CACNA2D3: variants seen among roughly 807,000 people sequenced by gnomAD.
The protein encoded by CACNA2D3 is calcium voltage-gated channel auxiliary subunit alpha2delta 3, also known as voltage-dependent calcium channel subunit alpha-2/delta-3.
CACNA2D3 carries 60 observed loss-of-function variants against 160.6 expected under a neutral mutation model. The observed-to-expected ratio is 0.37, with a 90% confidence interval of 0.30 to 0.46. CACNA2D3 has a LOEUF of 0.46. CACNA2D3 is among the 20% of genes least tolerant of loss of function. The pLI, the probability that CACNA2D3 is intolerant of heterozygous loss-of-function variation, is 1.00. For missense variants in CACNA2D3, 1,205 were observed against 1,365.0 expected (o/e 0.88, Z 1.85); for synonymous variants, 558 against 492.9 (o/e 1.13, Z -1.75).
rs147590834 is a variant in CACNA2D3 at position 54,849,753 on chromosome 3, G to T, written c.1626+3286G>T. On this transcript the variant is annotated intron_variant, in intron 17 of 37. Coordinates refer to ENST00000474759, the MANE Select transcript of CACNA2D3 (RefSeq NM_018398.3). ...CCAGATTAGCACGGTGAGTGTGAGT[G>T]TGGGGTTGTGGCCAGCATGGGGAGG... 2.0e-5 allele frequency among the ~76,000 whole-genome samples: 3 copies of T among 152,316 alleles called. No homozygotes were observed. In the East Asian group the frequency reaches 5.8e-4, roughly 29 times the overall value.
chr3:54,975,322 C>T (rs1311471597), intron 29 of CACNA2D3, among the ~76,000 whole-genome samples: 2 of 152,238 alleles, frequency 1.3e-5, no homozygotes, highest in South Asian at 2.1e-4. Context: ...AGTTTGAGAG[C>T]AGCCTGGCCA....
chr3:54,529,521 C>T (rs1701774983), intron 5 of CACNA2D3, among the ~76,000 whole-genome samples: 1 of 152,172 alleles, frequency 6.6e-6, no homozygotes. Context: ...CTGGAAGATT[C>T]ATTCCACCTG....
chr3:54,559,558 G>T (rs1169035138), intron 5 of CACNA2D3, among the ~76,000 whole-genome samples: 1 of 152,132 alleles, frequency 6.6e-6, no homozygotes, highest in Non-Finnish European at 1.5e-5. Context: ...CTCCCAAAGT[G>T]CTGGGATTAC....
chr3:54,309,363 G>C (rs538190430), intron 2 of CACNA2D3, among the ~76,000 whole-genome samples: 1 of 152,304 alleles, frequency 6.6e-6, no homozygotes, highest in African/African-American at 2.4e-5. Context: ...ATACCATAGA[G>C]CTACAATTTA....
intron 4 of CACNA2D3, among the ~76,000 whole-genome samples, chr3:54,488,478 G>C (rs1701052938): frequency 6.6e-6 from 1 of 152,062 alleles, no homozygotes; most frequent in Non-Finnish European, 1.5e-5. Context: ...AGACTGAACA[G>C]TGGCCCGACT....
chr3:54,603,617 A>G (rs768441067), intron 9 of CACNA2D3, among the ~76,000 whole-genome samples: 5 of 152,244 alleles, frequency 3.3e-5, no homozygotes, highest in Non-Finnish European at 5.9e-5. Flanking sequence ...CTTCAAGGCT[A>G]AGATTTCAAA....
At chr3:54,887,227 A>G in intron 23 of CACNA2D3, among the ~76,000 whole-genome samples, 1 of 151,996 alleles carries the variant, frequency 6.6e-6, no homozygotes, top group East Asian at 1.9e-4. Flanking sequence ...GGAGTTTGAG[A>G]CTAACCTGGC....
chr3:54,721,811 T>C (rs1701175044), intron 11 of CACNA2D3, among the ~76,000 whole-genome samples: 1 of 150,668 alleles, frequency 6.6e-6, no homozygotes, highest in African/African-American at 2.4e-5. Context: ...CCTTTGTGGG[T>C]AATTCGACCT....
chr3:54,821,472 T>A (rs1221520067), intron 14 of CACNA2D3, among the ~76,000 whole-genome samples: 1 of 152,198 alleles, frequency 6.6e-6, no homozygotes, highest in African/African-American at 2.4e-5. Context: ...TAAATTAGCT[T>A]CTTAAATGGA....
At chr3:54,875,630 G>A (rs1433657835) in intron 18 of CACNA2D3, 1 of 152,226 alleles carries the variant, frequency 6.6e-6, no homozygotes, top group Non-Finnish European at 1.5e-5. Flanking sequence ...AATGAAACAG[G>A]AAACGTGGCT....
At chr3:54,249,462 G>T (rs947196380) in intron 2 of CACNA2D3, among the ~76,000 whole-genome samples, 2 of 151,822 alleles carry the variant, frequency 1.3e-5, no homozygotes, top group East Asian at 3.9e-4. Context: ...TGCACCAGTG[G>T]CTCTCCTGGG....
chr3:54,473,925 T>G (rs551893349), intron 4 of CACNA2D3, among the ~76,000 whole-genome samples: 1 of 152,172 alleles, frequency 6.6e-6, no homozygotes, highest in Non-Finnish European at 1.5e-5. Context: ...TATGGAGAAA[T>G]AGGAATGCTT....
intron 9 of CACNA2D3, among the ~76,000 whole-genome samples, chr3:54,594,886 T>A (rs1211838819): frequency 6.6e-6 from 1 of 152,148 alleles, no homozygotes; most frequent in African/African-American, 2.4e-5. Context: ...AAGAGACACA[T>A]GCGGGTATAC....
intron 27 of CACNA2D3, among the ~76,000 whole-genome samples, chr3:54,941,832 C>T (rs1701474958): frequency 6.6e-6 from 1 of 152,146 alleles, no homozygotes; most frequent in Admixed American, 6.5e-5. Flanking sequence ...CAGGGACATG[C>T]ATTGGCCTCC....
chr3:54,222,010 G>A (rs1391025042), intron 2 of CACNA2D3, among the ~76,000 whole-genome samples: 1 of 152,046 alleles, frequency 6.6e-6, no homozygotes, highest in South Asian at 2.1e-4. Context: ...CACTGCACCT[G>A]GCCCTCAATA....
At chr3:54,265,144 C>T (rs1372137298) in intron 2 of CACNA2D3, among the ~76,000 whole-genome samples, 1 of 152,166 alleles carries the variant, frequency 6.6e-6, no homozygotes, top group African/African-American at 2.4e-5. Flanking sequence ...GTTCTAGATC[C>T]TTGAGGAATC....
intron 11 of CACNA2D3, among the ~76,000 whole-genome samples, chr3:54,738,913 C>T (rs550980079): frequency 3.3e-5 from 5 of 152,126 alleles, no homozygotes; most frequent in South Asian, 4.2e-4. Flanking sequence ...ATACTTTGGG[C>T]GGCCGAGGCT....
chr3:54,560,594 T>C (rs1366223049), intron 5 of CACNA2D3, among the ~76,000 whole-genome samples: 4 of 152,252 alleles, frequency 2.6e-5, no homozygotes, highest in Admixed American at 6.5e-5. Context: ...ATCCCATTTG[T>C]CAATTTTTGC....
chr3:55,016,780 C>T (rs1320329405), intron 34 of CACNA2D3, among the ~76,000 whole-genome samples: 1 of 152,204 alleles, frequency 6.6e-6, no homozygotes, highest in Non-Finnish European at 1.5e-5. Context: ...GATTACAATG[C>T]ATTGTGCTCC....
Sources: allele counts gnomAD v4.1 joint callset (sites outside exome capture counted in the v4.1 genomes callset), GRCh38; gene constraint gnomAD v4.1.1; transcripts MANE v1.5; gene names NCBI Gene and HGNC (gene_info 2026-07-23, HGNC 2026-07-21).